The following TEX101 variants were observed in gnomAD, a reference collection of about 807,000 sequenced individuals.
The protein encoded by TEX101 is testis expressed 101, also known as testis-expressed protein 101.
Under a neutral mutation model 18.1 loss-of-function variants are expected in TEX101, and 10 were observed. The ratio of observed to expected loss-of-function variants is 0.55; its 90% CI spans 0.34 to 0.94. TEX101 has a LOEUF of 0.94. Ranked by LOEUF, TEX101 falls within the 40% of genes least tolerant of loss-of-function variation. The pLI is 0.02. For synonymous variants in TEX101, 94 were observed against 114.8 expected, an observed-to-expected ratio of 0.82 and a Z score of 1.16; for missense variants, 259 against 298.9, an observed-to-expected ratio of 0.87 and a Z score of 0.98.
In TEX101 at chr19:43,418,441, G is replaced by C. The variant is rs1431539446; in HGVS notation, c.*44G>C. 1.3e-6 allele frequency: 2 copies of C among 1,542,162 alleles called. No homozygotes were observed. Among genetic ancestry groups the C allele is most frequent in the Non-Finnish European group, 1.8e-6 (2 of 1,128,350 alleles). Reference sequence around the variant, plus strand: ...GGGTCTGAGGACATCTTTTTTGACTGGGAGCCTTCTTACTGTTGAGGTTCA... The same window carrying C: ...GGGTCTGAGGACATCTTTTTTGACTCGGAGCCTTCTTACTGTTGAGGTTCA... On this transcript the variant is annotated 3_prime_UTR_variant, in exon 6 of 6. Transcript: ENST00000598265.
At chr19:43,406,081 C>CAAAAAAAAAAAAAAGAA (rs1970359167) in intron 2 of TEX101, 1 of 58,814 alleles carries the variant, frequency 1.7e-5, no homozygotes, top group Admixed American at 2.2e-4. Flanking sequence ...CCTGTCTCTA[C>CAAAAAAAAAAAAAAGAA]AAAAAAAAAA....
At chr19:43,415,222 AGGCTGG>A (rs149856925) in intron 1 of TEX101, among the ~76,000 whole-genome samples, 184 bp downstream of exon 1, 21,840 of 151,616 alleles carry the variant, frequency 0.14, 2,003 homozygotes, top group Non-Finnish European at 0.2. Context: ...GGTTCTGATG[AGGCTGG>A]GGCTGGGGCT....
At chr19:43,404,698 G>C (rs75450207) in intron 2 of TEX101, among the ~76,000 whole-genome samples, 2,699 of 151,448 alleles carry the variant, frequency 0.018, 70 homozygotes, top group African/African-American at 0.061. Context: ...ATTTGCCTGT[G>C]TATACACAGA....
intron 3 of TEX101, among the ~76,000 whole-genome samples, chr19:43,407,652 G>A (rs182362060): frequency 6.6e-6 from 1 of 152,352 alleles, no homozygotes; most frequent in African/African-American, 2.4e-5. Context: ...CCTGTGCTTG[G>A]ATGAGGGACC....
At chr19:43,414,811 A>T, upstream of TEX101, 2 of 983,566 alleles carry the variant, frequency 2.0e-6, no homozygotes, top group Non-Finnish European at 2.4e-6. Flanking sequence ...GGCTCATCCA[A>T]TGAACTTATC....
In TEX101 at chr19:43,417,996, G is replaced by A. The variant is rs1262605281; in HGVS notation, c.510G>A (p.Glu170=). The change falls in exon 5 of 6, where the codon GAG becomes GAA. Residue 170 remains glutamate (E), a synonymous_variant. Transcript: ENST00000598265. The stretch of plus-strand genomic sequence containing the variant: ...CTCGATGCTATCAAGGAAAACTTGA[G>A]ATCACTGGAGGTAAACTGAAATGAA... The part of the protein sequence containing the change: ...GTTRCYQGKL[E]ITGGGIESSV... 6.2e-7 allele frequency: 1 copy of A among 1,614,182 alleles called. No homozygotes were observed. Among genetic ancestry groups the A allele is most frequent in the East Asian group, 2.2e-5 (1 of 44,882 alleles).
chr19:43,414,302 A>G (rs577246961), upstream of TEX101, among the ~76,000 whole-genome samples: 1 of 152,350 alleles, frequency 6.6e-6, no homozygotes, highest in East Asian at 1.9e-4. Context: ...GCTACTGCTC[A>G]TGCATGCATT....
chr19:43,394,399 A>G, the TEX101 span, among the ~76,000 whole-genome samples: 1 of 152,022 alleles, frequency 6.6e-6, no homozygotes, highest in Non-Finnish European at 1.5e-5. Context: ...GACTCCAGAG[A>G]CCATCACTTG....
the TEX101 span, among the ~76,000 whole-genome samples, chr19:43,389,304 C>CG: frequency 1.3e-4 from 20 of 152,250 alleles, no homozygotes; most frequent in Admixed American, 1.3e-3. Flanking sequence ...TCCAGGCTTT[C>CG]CCCATCAGGT....
Position 43,414,955 on chromosome 19 carries a change from G to C in TEX101, c.-123G>C, listed in dbSNP as rs1321193170. ...AACTTTGGCGTCGTGAGATTCTTGT[G>C]AGGCGTCTGCCTGGAAGCCGGCAGC... On this transcript the variant is annotated 5_prime_UTR_variant, in exon 1 of 6. Transcript: ENST00000598265. The C allele has an allele frequency of 2.0e-6, 2 of 985,328 alleles. No individual in the cohort carries two copies. Among genetic ancestry groups the C allele is most frequent in the East Asian group, 1.1e-4 (1 of 8,826 alleles). 61.0% of individuals were successfully genotyped at this position (985,328 alleles called of 1,614,324 possible).
At chr19:43,393,025 T>C in the TEX101 span, among the ~76,000 whole-genome samples, 1 of 142,762 alleles carries the variant, frequency 7.0e-6, no homozygotes, top group Non-Finnish European at 1.5e-5. Context: ...GCCACTGCAC[T>C]CCAGCCTGGG....
intron 5 of TEX101, 26 bp from the exon 6 acceptor site, chr19:43,418,142 T>C: frequency 6.2e-7 from 1 of 1,613,262 alleles, no homozygotes. Context: ...CATCTCTGTC[T>C]CTCCCGATCC....
exon 3 of TEX101, chr19:43,406,282 G>A (rs1047201866): frequency 3.8e-6 from 2 of 525,792 alleles, no homozygotes; most frequent in Non-Finnish European, 6.7e-6. Context: ...AGGAGCAACC[G>A]TGACCCTCTT....
chr19:43,397,887 A>T (rs1165455921), upstream of TEX101, among the ~76,000 whole-genome samples: 20 of 48,050 alleles, frequency 4.2e-4, no homozygotes, highest in East Asian at 7.9e-3. Context: ...AATATATATT[A>T]TATATAAATA....
chr19:43,417,420 A>G (rs1416497597), intron 4 of TEX101, among the ~76,000 whole-genome samples: 3 of 152,152 alleles, frequency 2.0e-5, no homozygotes, highest in South Asian at 2.1e-4. Context: ...ACACCACCTG[A>G]CCTTTGTCCT....
At chr19:43,406,301 C>T in exon 3 of TEX101, 1 of 542,942 alleles carries the variant, frequency 1.8e-6, no homozygotes, top group Non-Finnish European at 3.3e-6. Context: ...TTAAAAGAGC[C>T]AATGCCCCAT....
At chr19:43,415,827 A>T (rs1568458572) in intron 1 of TEX101, 54 bp from the exon 2 acceptor site, 41 of 1,509,822 alleles carry the variant, frequency 2.7e-5, no homozygotes, top group Non-Finnish European at 3.8e-5. Flanking sequence ...CCTAGATTTG[A>T]TCTCATGCAC....
At chr19:43,416,334 G>A (rs1338883752) in intron 3 of TEX101, 39 bp from the exon 4 acceptor site, 13 of 1,593,596 alleles carry the variant, frequency 8.2e-6, no homozygotes, top group South Asian at 6.8e-5. Flanking sequence ...CAATTGTGAC[G>A]GCCACCATCC....
the TEX101 span, among the ~76,000 whole-genome samples, chr19:43,391,406 CTTTTTTTTTTTT>C: frequency 1.0e-5 from 1 of 95,898 alleles, no homozygotes; most frequent in South Asian, 3.7e-4. Context: ...TTCTGTTTTT[CTTTTTTTTTTTT>C]TTTTTTTTTT....
Sources: gnomAD v4.1 joint callset for allele counts (sites outside exome capture counted in the v4.1 genomes callset) on GRCh38, gnomAD v4.1.1 for gene constraint, MANE v1.5 for transcripts, NCBI Gene and HGNC (gene_info 2026-07-23, HGNC 2026-07-21) for gene names.